ROBO2: variants seen among roughly 807,000 people sequenced by gnomAD.
ROBO2 encodes the protein roundabout homolog 2.
In ROBO2, 53 loss-of-function variants were observed where a neutral mutation model predicts 160.8. The ratio of observed to expected loss-of-function variants is 0.33; its 90% CI spans 0.26 to 0.41. The LOEUF (loss-of-function observed/expected upper bound fraction) is 0.41. Ranked by LOEUF, ROBO2 falls within the 10% of genes least tolerant of loss-of-function variation. The pLI, the probability that ROBO2 is intolerant of heterozygous loss-of-function variation, is 1.00. For synonymous variants in ROBO2, 664 were observed against 611.7 expected (o/e 1.09, Z -1.26); for missense variants, 1,577 against 1,722.4 (o/e 0.92, Z 1.49).
At chr3:76,288,355 T>A (rs2107693324) in intron 2 of ROBO2, among the ~76,000 whole-genome samples, 1 of 152,272 alleles carries the variant, frequency 6.6e-6, no homozygotes, top group South Asian at 2.1e-4. Flanking sequence ...TTAATTAAAA[T>A]ATGGGTTTCT....
intron 5 of ROBO2, among the ~76,000 whole-genome samples, chr3:77,500,511 T>C (rs914515578): frequency 2.0e-5 from 3 of 152,194 alleles, no homozygotes; most frequent in African/African-American, 4.8e-5. Flanking sequence ...AGAAATACTA[T>C]ATTATGAATA....
At chr3:76,580,354 G>GTTTTTTTTTTTGTTTTTTTTTTTT (rs2085618341) in intron 2 of ROBO2, among the ~76,000 whole-genome samples, 1 of 46,364 alleles carries the variant, frequency 2.2e-5, no homozygotes, top group African/African-American at 7.6e-5. Flanking sequence ...TTTTTTTTTT[G>GTTTTTTTTTTTGTTTTTTTTTTTT]TTTTTTTTTT....
rs138795832 is a variant in ROBO2, at chr3:77,359,882, G to T, written c.389-117532G>T. ...TTTATTTTCTGTAGAGACTGGGTTT[G>T]ACTCTCTTGCCCAGAGTGATGTTGA... On this transcript the variant is annotated intron_variant, in intron 2 of 25. Transcript: ENST00000461745. Among the ~76,000 whole-genome samples the T allele has an allele frequency of 5.9e-3, 892 of 152,032 alleles. 11 individuals carry two copies. Among genetic ancestry groups the T allele is most frequent in the African/African-American group, 0.02 (849 of 41,498 alleles).
intron 2 of ROBO2, among the ~76,000 whole-genome samples, chr3:76,274,618 C>T (rs1707810291): frequency 6.6e-6 from 1 of 151,930 alleles, no homozygotes; most frequent in African/African-American, 2.4e-5. Flanking sequence ...GTGGGTGGAT[C>T]ACAAGGTCAG....
chr3:76,980,207 G>A (rs532529869), intron 2 of ROBO2, among the ~76,000 whole-genome samples: 1 of 152,274 alleles, frequency 6.6e-6, no homozygotes, highest in South Asian at 2.1e-4. Flanking sequence ...TAATGTGAAG[G>A]CTGAGCTTTA....
intron 2 of ROBO2, among the ~76,000 whole-genome samples, chr3:76,372,384 T>G (rs2076148427): frequency 6.6e-6 from 1 of 151,900 alleles, no homozygotes; most frequent in African/African-American, 2.4e-5. Flanking sequence ...ATTTCTACCT[T>G]AGGTAGAAAT....
chr3:77,087,516 T>G (rs2069483192), intron 1 of ROBO2, among the ~76,000 whole-genome samples: 1 of 152,120 alleles, frequency 6.6e-6, no homozygotes, highest in Non-Finnish European at 1.5e-5. Context: ...TTTGAAATAG[T>G]ATTGGATGAA....
At chr3:76,610,145 AG>A (rs1038735825) in intron 2 of ROBO2, among the ~76,000 whole-genome samples, 42 of 152,290 alleles carry the variant, frequency 2.8e-4, no homozygotes, top group Admixed American at 6.5e-4. Flanking sequence ...ATGTTCATCA[AG>A]GATATTGGTC....
chr3:75,967,241 A>G (rs1281702797), intron 2 of ROBO2, among the ~76,000 whole-genome samples: 5 of 151,628 alleles, frequency 3.3e-5, no homozygotes, highest in Non-Finnish European at 5.9e-5. Context: ...GCCAGTATAT[A>G]CTGCCAATTT....
chr3:76,113,080 C>T (rs2070311037), intron 2 of ROBO2, among the ~76,000 whole-genome samples: 1 of 151,904 alleles, frequency 6.6e-6, no homozygotes, highest in African/African-American at 2.4e-5. Flanking sequence ...ATATGTCTTC[C>T]AGGTTGCTAT....
At chr3:76,780,084 A>C (rs9877173) in intron 2 of ROBO2, among the ~76,000 whole-genome samples, 126,536 of 150,798 alleles carry the variant, frequency 0.84, 53,193 homozygotes, top group Admixed American at 0.86. Context: ...TTAATAGCAG[A>C]CATTTTAACA....
chr3:77,575,192 G>T (rs2093730612), intron 14 of ROBO2, among the ~76,000 whole-genome samples: 1 of 152,108 alleles, frequency 6.6e-6, no homozygotes, highest in East Asian at 1.9e-4. Context: ...TTGCGTATTT[G>T]CAGTAGCTTT....
chr3:76,032,369 T>G (rs1241559364), intron 2 of ROBO2, among the ~76,000 whole-genome samples: 2 of 152,198 alleles, frequency 1.3e-5, no homozygotes, highest in Non-Finnish European at 2.9e-5. Flanking sequence ...AGTTCTGCTC[T>G]GATCTTAGCT....
At chr3:76,665,906 A>T (rs61632407) in intron 2 of ROBO2, among the ~76,000 whole-genome samples, 15 of 63,220 alleles carry the variant, frequency 2.4e-4, no homozygotes, top group Admixed American at 3.7e-4. Flanking sequence ...TATTATATAT[A>T]ATATACACAT....
At chr3:76,185,026 C>G (rs142828100) in intron 2 of ROBO2, among the ~76,000 whole-genome samples, 1 of 151,656 alleles carries the variant, frequency 6.6e-6, no homozygotes, top group African/African-American at 2.4e-5. Flanking sequence ...GACATACCCC[C>G]AGATAATGAT....
At chr3:77,632,598 G>A (rs2095187768) in intron 23 of ROBO2, 7 of 1,535,772 alleles carry the variant, frequency 4.6e-6, no homozygotes, top group Non-Finnish European at 5.2e-6. Flanking sequence ...CACAAGCACT[G>A]GTGGCAGCAG....
At chr3:77,363,834 C>A (rs776715368) in intron 2 of ROBO2, among the ~76,000 whole-genome samples, 4 of 152,048 alleles carry the variant, frequency 2.6e-5, no homozygotes, top group Non-Finnish European at 4.4e-5. Context: ...TGTCTATGAC[C>A]TGCCTTGGAG....
At chr3:76,393,142 A>G (rs1248984091) in intron 2 of ROBO2, among the ~76,000 whole-genome samples, 4 of 152,156 alleles carry the variant, frequency 2.6e-5, no homozygotes, top group Non-Finnish European at 4.4e-5. Flanking sequence ...GTGTATTGCA[A>G]TCATCATGGG....
chr3:76,290,888 C>A (rs996609438), intron 2 of ROBO2, among the ~76,000 whole-genome samples: 7 of 152,104 alleles, frequency 4.6e-5, no homozygotes, highest in African/African-American at 1.7e-4. Context: ...GTGGCTTTAG[C>A]TTTTTCATGT....
Sources: gnomAD v4.1 joint callset for allele counts (sites outside exome capture counted in the v4.1 genomes callset) on GRCh38, gnomAD v4.1.1 for gene constraint, MANE v1.5 for transcripts, NCBI Gene and HGNC (gene_info 2026-07-23, HGNC 2026-07-21) for gene names.